PRKCA: variants seen among roughly 807,000 people sequenced by gnomAD.
The protein encoded by PRKCA is protein kinase C alpha type.
A neutral mutation model predicts 87.0 loss-of-function variants in PRKCA; 27 were observed. The observed-to-expected ratio is 0.31, with a 90% CI of 0.23 to 0.43. PRKCA has a LOEUF of 0.43. Ranked by LOEUF, PRKCA falls within the 20% of genes least tolerant of loss-of-function variation. PRKCA has a pLI of 1.00. For missense variants in PRKCA, 518 were observed against 852.3 expected (o/e 0.61, Z 4.88); for synonymous variants, 329 against 311.1 (o/e 1.06, Z -0.61).
intron 5 of PRKCA, among the ~76,000 whole-genome samples, chr17:66,662,594 C>T (rs138859208): frequency 4.9e-4 from 74 of 152,108 alleles, no homozygotes; most frequent in African/African-American, 1.6e-3. Context: ...AAGGTGTTGA[C>T]GGACTGGCCC....
At chr17:66,682,170 G>A (rs1972511202) in intron 5 of PRKCA, among the ~76,000 whole-genome samples, 1 of 152,212 alleles carries the variant, frequency 6.6e-6, no homozygotes, top group South Asian at 2.1e-4. Context: ...GGATCACTGG[G>A]TAGGTGGTTC....
chr17:66,579,754 G>C (rs890650593), intron 3 of PRKCA, among the ~76,000 whole-genome samples: 5 of 152,174 alleles, frequency 3.3e-5, no homozygotes, highest in African/African-American at 1.2e-4. Flanking sequence ...CCATGGAGAT[G>C]GTTTAGGAAG....
At position 66,809,965 on chromosome 17, in the gene PRKCA, TG is replaced by T. The variant is rs1373652959; in HGVS notation, c.*5929del. ...ATTCAGAGATGCCCTGTAAGGATTT[TG>T]CCCACTGGGCAACTCAGAAATACTT... On this transcript the variant is annotated 3_prime_UTR_variant, in exon 17 of 17. Coordinates refer to ENST00000413366, the MANE Select transcript of PRKCA (RefSeq NM_002737.3). 2 of 152,238 alleles carry T rather than the reference TG, an allele frequency of 1.3e-5. No homozygotes were observed. Among genetic ancestry groups the T allele is most frequent in the Non-Finnish European group, 2.9e-5 (2 of 68,042 alleles). 9.4% of individuals were successfully genotyped at this position (152,238 alleles called of 1,614,324 possible).
At chr17:66,311,447 C>T (rs555566188) in intron 2 of PRKCA, among the ~76,000 whole-genome samples, 6 of 152,142 alleles carry the variant, frequency 3.9e-5, no homozygotes, top group African/African-American at 1.4e-4. Context: ...AAAACCCCAT[C>T]GCTACAAAAA....
At chr17:66,471,059 T>A (rs1466736429) in intron 2 of PRKCA, among the ~76,000 whole-genome samples, 2 of 152,058 alleles carry the variant, frequency 1.3e-5, no homozygotes, top group African/African-American at 4.8e-5. Context: ...GCTCTGCAAG[T>A]TGCATGAGAA....
intron 2 of PRKCA, among the ~76,000 whole-genome samples, chr17:66,400,398 C>G (rs551179640): frequency 2.0e-5 from 3 of 152,218 alleles, no homozygotes; most frequent in East Asian, 1.9e-4. Flanking sequence ...GTGATCCCCC[C>G]GCCTTGGCCT....
At chr17:66,595,463 C>CTTTTTTTG (rs1969945077) in intron 3 of PRKCA, among the ~76,000 whole-genome samples, 1 of 116,556 alleles carries the variant, frequency 8.6e-6, no homozygotes, top group African/African-American at 3.5e-5. Flanking sequence ...TCTTTTCCTT[C>CTTTTTTTG]TTTTTTTTTT....
intron 3 of PRKCA, among the ~76,000 whole-genome samples, chr17:66,507,817 C>T (rs1917044361): frequency 6.6e-6 from 1 of 152,164 alleles, no homozygotes; most frequent in Non-Finnish European, 1.5e-5. Flanking sequence ...AGCTGAACTT[C>T]TAAACTTCTA....
intron 9 of PRKCA, among the ~76,000 whole-genome samples, chr17:66,733,465 G>A (rs1973955416): frequency 6.6e-6 from 1 of 152,192 alleles, no homozygotes; most frequent in African/African-American, 2.4e-5. Flanking sequence ...TGCATCTTAT[G>A]TTCACTTTGG....
intron 3 of PRKCA, among the ~76,000 whole-genome samples, chr17:66,634,824 C>T (rs1971111004): frequency 6.6e-6 from 1 of 152,182 alleles, no homozygotes; most frequent in African/African-American, 2.4e-5. Flanking sequence ...TCGGCAGCAT[C>T]CTTTAGGACC....
intron 2 of PRKCA, among the ~76,000 whole-genome samples, chr17:66,464,266 C>G (rs1072186): frequency 0.06 from 9,098 of 152,212 alleles, 316 homozygotes; most frequent in Admixed American, 0.12. Context: ...CGCAGTTTAT[C>G]CATTCACCTA....
intron 3 of PRKCA, among the ~76,000 whole-genome samples, chr17:66,542,391 G>A (rs1003464544): frequency 2.6e-5 from 4 of 152,112 alleles, no homozygotes; most frequent in African/African-American, 9.7e-5. Flanking sequence ...TGTGTGCTGT[G>A]AGAAAACCCA....
intron 2 of PRKCA, among the ~76,000 whole-genome samples, chr17:66,350,084 C>T (rs549831902): frequency 7.9e-5 from 12 of 152,252 alleles, no homozygotes; most frequent in East Asian, 3.9e-4. Context: ...GTCCTCAGAG[C>T]GATGGCCTTT....
At chr17:66,645,198 G>A (rs1382273308) in intron 4 of PRKCA, among the ~76,000 whole-genome samples, 185 bp from the exon 5 acceptor site, 1 of 152,192 alleles carries the variant, frequency 6.6e-6, no homozygotes, top group Non-Finnish European at 1.5e-5. Flanking sequence ...TAAGGATATT[G>A]TCACTCACAT....
At chr17:66,611,312 A>G (rs1970357397) in intron 3 of PRKCA, among the ~76,000 whole-genome samples, 1 of 152,184 alleles carries the variant, frequency 6.6e-6, no homozygotes, top group Non-Finnish European at 1.5e-5. Context: ...CATCACCCCT[A>G]AAAGAAACTC....
chr17:66,368,945 G>A (rs368330363), intron 2 of PRKCA, among the ~76,000 whole-genome samples: 10 of 152,078 alleles, frequency 6.6e-5, no homozygotes, highest in South Asian at 2.1e-4. Context: ...TTTTAGTTTC[G>A]TAATCTGTAG....
intron 13 of PRKCA, among the ~76,000 whole-genome samples, chr17:66,748,078 C>T (rs1409529763): frequency 3.3e-5 from 5 of 152,210 alleles, no homozygotes; most frequent in African/African-American, 1.2e-4. Context: ...GCATCCAACA[C>T]GGTTGAAATT....
intron 8 of PRKCA, among the ~76,000 whole-genome samples, chr17:66,694,274 A>G (rs1208307355): frequency 6.6e-6 from 1 of 152,062 alleles, no homozygotes; most frequent in African/African-American, 2.4e-5. Context: ...CGAGGTCAAG[A>G]GTTCAAGACA....
At chr17:66,725,120 G>A (rs1175181683) in intron 8 of PRKCA, among the ~76,000 whole-genome samples, 2 of 152,124 alleles carry the variant, frequency 1.3e-5, no homozygotes, top group Non-Finnish European at 2.9e-5. Context: ...GTCATCATGT[G>A]GCCAACCACC....
Sources: allele counts gnomAD v4.1 joint callset (sites outside exome capture counted in the v4.1 genomes callset), GRCh38; gene constraint gnomAD v4.1.1; transcripts MANE v1.5; gene names NCBI Gene and HGNC (gene_info 2026-07-23, HGNC 2026-07-21).